The following PPARGC1A variants were observed in gnomAD, a reference collection of about 807,000 sequenced individuals.
PPARGC1A encodes the protein peroxisome proliferator-activated receptor gamma coactivator 1-alpha.
A neutral mutation model predicts 88.7 loss-of-function variants in PPARGC1A; 25 were observed. The observed-to-expected ratio is 0.28, with a 90% CI of 0.21 to 0.39. The LOEUF (loss-of-function observed/expected upper bound fraction) is 0.39. Among genes scored for constraint, PPARGC1A ranks in the 10% least tolerant of loss-of-function variants. The pLI, the probability that PPARGC1A is intolerant of heterozygous loss-of-function variation, is 1.00. For missense variants in PPARGC1A, 880 were observed against 968.7 expected, an observed-to-expected ratio of 0.91 and a Z score of 1.22; for synonymous variants, 363 against 355.6, an observed-to-expected ratio of 1.02 and a Z score of -0.24.
intron 12 of PPARGC1A, 42 bp downstream of exon 12, chr4:23,801,688 T>C (rs758216011): frequency 6.2e-7 from 1 of 1,607,846 alleles, no homozygotes; most frequent in Non-Finnish European, 8.5e-7. Flanking sequence ...TCTTGAGCTC[T>C]ACATTATGGA....
the PPARGC1A span, among the ~76,000 whole-genome samples, chr4:24,221,092 G>A: frequency 6.6e-6 from 1 of 152,090 alleles, no homozygotes; most frequent in African/African-American, 2.4e-5. Flanking sequence ...CTTTTTAGAG[G>A]AAACTTTTAG....
the PPARGC1A span, among the ~76,000 whole-genome samples, chr4:24,299,809 AT>A: frequency 2.0e-5 from 3 of 152,182 alleles, no homozygotes; most frequent in African/African-American, 7.2e-5. Context: ...AAATCGAAAT[AT>A]GAATAATGTT....
chr4:24,444,906 A>G, the PPARGC1A span, among the ~76,000 whole-genome samples: 1 of 152,160 alleles, frequency 6.6e-6, no homozygotes, highest in Non-Finnish European at 1.5e-5. Context: ...TGTAAAAATT[A>G]GCTGGACGTG....
chr4:23,836,691 A>C (rs1247455469), intron 2 of PPARGC1A, among the ~76,000 whole-genome samples: 1 of 152,188 alleles, frequency 6.6e-6, no homozygotes, highest in Non-Finnish European at 1.5e-5. Context: ...TTGAAAGAAG[A>C]TAGGTTCTGG....
the PPARGC1A span, among the ~76,000 whole-genome samples, chr4:24,445,843 G>A: frequency 6.6e-5 from 10 of 152,172 alleles, no homozygotes; most frequent in East Asian, 1.9e-4. Flanking sequence ...TGAGGCGGGC[G>A]GATCGCTTGA....
At chr4:24,298,104 T>C in the PPARGC1A span, among the ~76,000 whole-genome samples, 1 of 151,830 alleles carries the variant, frequency 6.6e-6, no homozygotes, top group African/African-American at 2.4e-5. Context: ...GTAGTCACAT[T>C]ATCTGTGAGA....
chr4:24,030,359 G>A, the PPARGC1A span, among the ~76,000 whole-genome samples: 1 of 152,118 alleles, frequency 6.6e-6, no homozygotes, highest in Non-Finnish European at 1.5e-5. Flanking sequence ...TTCACATTGG[G>A]GGCGTCATTT....
At chr4:23,810,195 C>A (rs1720635378) in intron 10 of PPARGC1A, among the ~76,000 whole-genome samples, 1 of 152,220 alleles carries the variant, frequency 6.6e-6, no homozygotes, top group African/African-American at 2.4e-5. Context: ...TTATAGTCCA[C>A]TCTGTTGGTA....
chr4:24,387,922 G>GAA, the PPARGC1A span, among the ~76,000 whole-genome samples: 2 of 12,416 alleles, frequency 1.6e-4, no homozygotes, highest in Non-Finnish European at 3.4e-4. Context: ...AAGAAAGAAA[G>GAA]AAAGAAAGAA....
In PPARGC1A at chr4:23,795,315, ATATATATAT is replaced by A; in HGVS notation, c.*498_*506del. On this transcript the variant is annotated 3_prime_UTR_variant, in exon 13 of 13. Transcript: ENST00000264867. Reference sequence around the variant, plus strand: ...TTTATATATATATATATATATATATATATATATATATATATTTCCTTTTGAATAGAATAC... The same window carrying A: ...TTTATATATATATATATATATATATAATATATTTCCTTTTGAATAGAATAC... 9.2e-6 allele frequency: 1 copy of A among 108,878 alleles called. No homozygotes were observed. Among genetic ancestry groups the A allele is most frequent in the Non-Finnish European group, 1.8e-5 (1 of 54,070 alleles). 6.7% of individuals were successfully genotyped at this position (108,878 alleles called of 1,614,324 possible). A position where few individuals can be genotyped will look rare whatever the true frequency, so the allele number is the denominator to read the frequency against.
chr4:24,130,607 T>G, the PPARGC1A span, among the ~76,000 whole-genome samples: 1 of 152,104 alleles, frequency 6.6e-6, no homozygotes, highest in Non-Finnish European at 1.5e-5. Flanking sequence ...CCCAACTCAT[T>G]TTTGACCATA....
At chr4:24,056,314 A>G in the PPARGC1A span, among the ~76,000 whole-genome samples, 48 of 152,318 alleles carry the variant, frequency 3.2e-4, no homozygotes, top group East Asian at 3.7e-3. Flanking sequence ...CAACCCTAGG[A>G]GGAGTCACTG....
chr4:23,896,381 A>G (rs761692644), intron 1 of PPARGC1A, among the ~76,000 whole-genome samples: 1 of 152,224 alleles, frequency 6.6e-6, no homozygotes, highest in African/African-American at 2.4e-5. Context: ...TGTAGCAGAT[A>G]GAAATAGCCC....
At chr4:23,928,188 T>C in the PPARGC1A span, among the ~76,000 whole-genome samples, 1 of 152,314 alleles carries the variant, frequency 6.6e-6, no homozygotes, top group African/African-American at 2.4e-5. Context: ...TTCAAGGTTA[T>C]TGTTCTTGGA....
chr4:24,321,283 A>G, the PPARGC1A span, among the ~76,000 whole-genome samples: 1 of 152,222 alleles, frequency 6.6e-6, no homozygotes, highest in Non-Finnish European at 1.5e-5. Context: ...TCCAAGCCTC[A>G]GGATGCTTGG....
the PPARGC1A span, among the ~76,000 whole-genome samples, chr4:24,100,499 G>A: frequency 8.5e-5 from 13 of 152,260 alleles, no homozygotes; most frequent in East Asian, 1.9e-3. Flanking sequence ...TTCGACATAC[G>A]TGGCTATTCC....
At chr4:24,017,913 C>T in the PPARGC1A span, among the ~76,000 whole-genome samples, 1 of 152,112 alleles carries the variant, frequency 6.6e-6, no homozygotes, top group African/African-American at 2.4e-5. Context: ...CATAAATGTG[C>T]TTTAGCCCTT....
the PPARGC1A span, among the ~76,000 whole-genome samples, chr4:24,194,376 G>A: frequency 1.3e-5 from 2 of 152,048 alleles, no homozygotes; most frequent in African/African-American, 4.8e-5. Context: ...TGATACTTTA[G>A]CATCCTTTTT....
At chr4:23,834,299 CA>C (rs556677086) in intron 2 of PPARGC1A, among the ~76,000 whole-genome samples, 4 of 150,882 alleles carry the variant, frequency 2.7e-5, no homozygotes, top group Admixed American at 6.6e-5. Context: ...GACTCTGTCT[CA>C]AAAAAAACAT....
Sources: gnomAD v4.1 joint callset for allele counts (sites outside exome capture counted in the v4.1 genomes callset) on GRCh38, gnomAD v4.1.1 for gene constraint, MANE v1.5 for transcripts, NCBI Gene and HGNC (gene_info 2026-07-23, HGNC 2026-07-21) for gene names.